The following ZFAND3 variants were observed in gnomAD, a reference collection of about 807,000 sequenced individuals.
ZFAND3 encodes zinc finger AN1-type containing 3.
A neutral mutation model predicts 29.6 loss-of-function variants in ZFAND3; 10 were observed. The observed-to-expected ratio is 0.34, with a 90% CI of 0.21 to 0.57. The LOEUF (loss-of-function observed/expected upper bound fraction) is 0.57, where lower values mean the gene tolerates loss of function less well. ZFAND3 is among the 20% of genes least tolerant of loss of function. The probability of loss-of-function intolerance (pLI) is 0.86; values close to 1 mark genes in which losing one functional copy is unlikely to be tolerated. For missense variants in ZFAND3, 230 were observed against 304.5 expected (o/e 0.76, Z 1.82); for synonymous variants, 128 against 112.6 (o/e 1.14, Z -0.87).
At chr6:38,001,731 C>T (rs1221872823) in intron 2 of ZFAND3, among the ~76,000 whole-genome samples, 2 of 152,114 alleles carry the variant, frequency 1.3e-5, no homozygotes, top group Non-Finnish European at 2.9e-5. Context: ...TGGAAAACCT[C>T]TTTCAGAACA....
intron 4 of ZFAND3, 126 bp from the exon 5 acceptor site, chr6:38,116,446 T>C (rs1383470722): frequency 2.7e-6 from 3 of 1,122,654 alleles, no homozygotes; most frequent in African/African-American, 3.1e-5. Context: ...CAGAACTGGC[T>C]CTCACCTGTC....
At chr6:37,841,288 A>G (rs1415743752) in intron 1 of ZFAND3, among the ~76,000 whole-genome samples, 1 of 152,194 alleles carries the variant, frequency 6.6e-6, no homozygotes, top group Non-Finnish European at 1.5e-5. Context: ...ATCATGAGAA[A>G]TCAAGAATTG....
At chr6:38,053,054 A>C (rs1003196826) in intron 2 of ZFAND3, among the ~76,000 whole-genome samples, 1 of 149,374 alleles carries the variant, frequency 6.7e-6, no homozygotes, top group Admixed American at 6.6e-5. Flanking sequence ...AAAAAGAAAA[A>C]GAAAAAAAAA....
In ZFAND3 at chr6:37,847,909, A is replaced by G. The variant is rs1469378369; in HGVS notation, c.71+27893A>G. Among the ~76,000 whole-genome samples, 7 of 152,248 alleles carry G rather than the reference A, an allele frequency of 4.6e-5. No homozygotes were observed. In the East Asian group the frequency reaches 1.3e-3, roughly 29 times the overall value. On this transcript the variant is annotated intron_variant, in intron 1 of 5. Coordinates refer to ENST00000287218, the MANE Select transcript of ZFAND3 (RefSeq NM_021943.3). ...GCTCATTTACTTATCATTGGTGGTT[A>G]ATTTTGTGCTACAGTGACAGAATTG...
chr6:37,929,777 A>G (rs1761558883), intron 1 of ZFAND3, among the ~76,000 whole-genome samples, 182 bp from the exon 2 acceptor site: 1 of 150,020 alleles, frequency 6.7e-6, no homozygotes, highest in African/African-American at 2.5e-5. Flanking sequence ...TTTTTTTTTA[A>G]TTTTTATTTT....
chr6:38,144,211 A>ATT (rs70981524), intron 5 of ZFAND3, among the ~76,000 whole-genome samples: 25 of 45,854 alleles, frequency 5.5e-4, no homozygotes, highest in African/African-American at 2.7e-3. Context: ...ATATATATAT[A>ATT]ATATATAATA....
rs538028439 is a variant in ZFAND3 at position 37,929,314 on chromosome 6, C to T, written c.72-645C>T. Among the ~76,000 whole-genome samples, 30 of 152,134 alleles carry T rather than the reference C, an allele frequency of 2.0e-4. No individual in the cohort carries two copies. The South Asian group carries it at 5.2e-3, about 26-fold the overall frequency. ...AATACCCATCTTAGTGATGTTGGGA[C>T]GATTAATAAGATAATGTATGCGAAA... On this transcript the variant is annotated intron_variant, in intron 1 of 5. Transcript: ENST00000287218.
At chr6:37,882,702 G>A (rs1337567247) in intron 1 of ZFAND3, among the ~76,000 whole-genome samples, 1 of 151,132 alleles carries the variant, frequency 6.6e-6, no homozygotes, top group Non-Finnish European at 1.5e-5. Flanking sequence ...GGCCAGACTA[G>A]GTTAGCCCAC....
chr6:38,049,739 G>A (rs1451607544), intron 2 of ZFAND3, among the ~76,000 whole-genome samples: 2 of 152,010 alleles, frequency 1.3e-5, no homozygotes, highest in Non-Finnish European at 2.9e-5. Flanking sequence ...ACATCCCCCT[G>A]ATATGCTTTA....
chr6:38,028,125 A>G (rs1763483471), intron 2 of ZFAND3, among the ~76,000 whole-genome samples: 1 of 152,220 alleles, frequency 6.6e-6, no homozygotes, highest in African/African-American at 2.4e-5. Flanking sequence ...CCAGTATCCT[A>G]GAATGACAAT....
chr6:38,099,404 C>T (rs1765047768), intron 4 of ZFAND3, among the ~76,000 whole-genome samples: 1 of 152,168 alleles, frequency 6.6e-6, no homozygotes, highest in Admixed American at 6.5e-5. Context: ...ACATACTCTG[C>T]CATAAAAGCT....
chr6:37,922,032 C>G (rs1231677397), intron 1 of ZFAND3, among the ~76,000 whole-genome samples: 3 of 152,120 alleles, frequency 2.0e-5, no homozygotes, highest in Non-Finnish European at 4.4e-5. Flanking sequence ...CCACTGCACT[C>G]CAGCCTGGGC....
intron 4 of ZFAND3, among the ~76,000 whole-genome samples, chr6:38,097,269 T>TTTTTA (rs1479645076): frequency 6.7e-6 from 1 of 149,714 alleles, no homozygotes; most frequent in African/African-American, 2.5e-5. Context: ...TTTTTTTTTT[T>TTTTTA]AAGAGACGGA....
At chr6:38,105,376 GC>G (rs1423346080) in intron 4 of ZFAND3, among the ~76,000 whole-genome samples, 1 of 152,054 alleles carries the variant, frequency 6.6e-6, no homozygotes, top group African/African-American at 2.4e-5. Flanking sequence ...CTGCACTCCA[GC>G]TCGGGTAACA....
chr6:38,085,044 A>G (rs1190179740), intron 4 of ZFAND3, among the ~76,000 whole-genome samples: 2 of 152,158 alleles, frequency 1.3e-5, no homozygotes, highest in African/African-American at 4.8e-5. Context: ...CTTTGTCTCC[A>G]TCTTTCTCTG....
intron 3 of ZFAND3, among the ~76,000 whole-genome samples, chr6:38,071,945 C>G (rs900657965): frequency 6.6e-6 from 1 of 152,138 alleles, no homozygotes; most frequent in Admixed American, 6.5e-5. Context: ...AAAGAAGGGA[C>G]TTCTCATTGC....
chr6:38,152,203 C>T (rs1009422474), intron 5 of ZFAND3, 32 bp from the exon 6 acceptor site: 3 of 1,484,706 alleles, frequency 2.0e-6, no homozygotes, highest in Non-Finnish European at 2.7e-6. Flanking sequence ...CACCCTAACA[C>T]ACTCTTTCCT....
chr6:37,935,242 T>G (rs2127414859), intron 2 of ZFAND3, among the ~76,000 whole-genome samples: 1 of 152,286 alleles, frequency 6.6e-6, no homozygotes, highest in South Asian at 2.1e-4. Context: ...GGGACATGAG[T>G]TATCAATTGA....
At position 37,939,178 on chromosome 6, in the gene ZFAND3, T is replaced by G. The variant is rs527994095; in HGVS notation, c.112+9179T>G. Among the ~76,000 whole-genome samples, 3 of 152,308 alleles carry G rather than the reference T, an allele frequency of 2.0e-5. No homozygotes were observed. In the East Asian group the frequency reaches 5.8e-4, roughly 29 times the overall value. ...CTTGGTGGTTTAAAACAACAGAAGT[T>G]TATTCTCTCACAGTTCTGGAGGCCA... On this transcript the variant is annotated intron_variant, in intron 2 of 5. Transcript: ENST00000287218.
Sources: allele counts gnomAD v4.1 joint callset (sites outside exome capture counted in the v4.1 genomes callset), GRCh38; gene constraint gnomAD v4.1.1; transcripts MANE v1.5; gene names NCBI Gene and HGNC (gene_info 2026-07-23, HGNC 2026-07-21).